The following WDR70 variants were observed in gnomAD, a reference collection of about 807,000 sequenced individuals.
WDR70 encodes the protein WD repeat-containing protein 70.
Under a neutral mutation model 88.6 loss-of-function variants are expected in WDR70, and 53 were observed. That is an observed-to-expected ratio of 0.60 (90% CI 0.48 to 0.75). The LOEUF is 0.75. Ranked by LOEUF, WDR70 falls within the 30% of genes least tolerant of loss-of-function variation. WDR70 has a pLI of 0.00. For missense variants in WDR70, 610 were observed against 823.2 expected, an observed-to-expected ratio of 0.74 and a Z score of 3.17; for synonymous variants, 280 against 270.0, an observed-to-expected ratio of 1.04 and a Z score of -0.36.
intron 7 of WDR70, among the ~76,000 whole-genome samples, chr5:37,444,173 C>A (rs1738384918): frequency 1.3e-5 from 2 of 150,962 alleles, no homozygotes; most frequent in East Asian, 3.9e-4. Context: ...AAAAAAAAAA[C>A]AAAACTTTGT....
chr5:37,488,407 T>C (rs564925366), intron 8 of WDR70, among the ~76,000 whole-genome samples: 1 of 152,082 alleles, frequency 6.6e-6, no homozygotes, highest in Admixed American at 6.5e-5. Flanking sequence ...GCCATTGATC[T>C]CTTCACCTCC....
intron 9 of WDR70, among the ~76,000 whole-genome samples, chr5:37,555,071 T>A (rs1268018285): frequency 6.6e-6 from 1 of 152,198 alleles, no homozygotes; most frequent in Admixed American, 6.5e-5. Context: ...GTACCTTACC[T>A]CTTCCTTTAT....
intron 10 of WDR70, among the ~76,000 whole-genome samples, chr5:37,626,398 G>T (rs1006047058): frequency 6.6e-6 from 1 of 152,042 alleles, no homozygotes; most frequent in Non-Finnish European, 1.5e-5. Context: ...TCTTTCTGTT[G>T]ATGTGTGTGA....
At chr5:37,706,574 C>T (rs547386956) in intron 13 of WDR70, among the ~76,000 whole-genome samples, 2 of 152,286 alleles carry the variant, frequency 1.3e-5, no homozygotes, top group Admixed American at 6.5e-5. Context: ...CCATGTAAGA[C>T]GTGCCTTTGC....
chr5:37,505,610 CAACT>C, intron 8 of WDR70: 1 of 739,250 alleles, frequency 1.4e-6, no homozygotes, highest in Middle Eastern at 3.8e-4. Context: ...TTCTTCTAGA[CAACT>C]GAGTGGGTGG....
chr5:37,533,083 G>T (rs1741548418), intron 9 of WDR70, among the ~76,000 whole-genome samples: 1 of 152,198 alleles, frequency 6.6e-6, no homozygotes, highest in African/African-American at 2.4e-5. Flanking sequence ...TGGTACTGGG[G>T]TGTGTCCGCA....
At chr5:37,634,518 G>T (rs1744906139) in intron 10 of WDR70, among the ~76,000 whole-genome samples, 1 of 152,086 alleles carries the variant, frequency 6.6e-6, no homozygotes, top group Non-Finnish European at 1.5e-5. Context: ...GATATGGAGA[G>T]GGAAGTCTAT....
intron 7 of WDR70, among the ~76,000 whole-genome samples, chr5:37,470,216 A>T (rs563966196): frequency 4.6e-5 from 7 of 152,160 alleles, no homozygotes; most frequent in Non-Finnish European, 1.0e-4. Flanking sequence ...TTACTAGTTT[A>T]TTCTGAGAAT....
At chr5:37,657,242 A>G (rs1342047016) in intron 10 of WDR70, among the ~76,000 whole-genome samples, 1 of 152,070 alleles carries the variant, frequency 6.6e-6, no homozygotes, top group Non-Finnish European at 1.5e-5. Flanking sequence ...TCCCTTGGCC[A>G]GGGGAGGTAG....
At chr5:37,663,460 A>T (rs1268246889) in intron 10 of WDR70, among the ~76,000 whole-genome samples, 2 of 152,104 alleles carry the variant, frequency 1.3e-5, no homozygotes, top group Non-Finnish European at 2.9e-5. Context: ...AAAAGCCCAC[A>T]GTTTTGCAGG....
chr5:37,668,556 A>G (rs953986361), intron 10 of WDR70, among the ~76,000 whole-genome samples: 7 of 152,244 alleles, frequency 4.6e-5, no homozygotes, highest in African/African-American at 1.7e-4. Context: ...ATGTGAAGGT[A>G]ACTTGTGCAT....
chr5:37,672,435 ATTCG>A (rs1245882794), intron 10 of WDR70, among the ~76,000 whole-genome samples: 3 of 152,128 alleles, frequency 2.0e-5, no homozygotes, highest in Non-Finnish European at 4.4e-5. Flanking sequence ...CCGCTCGTAC[ATTCG>A]TTCTGTTCTG....
chr5:37,555,747 C>T (rs1430323693), intron 9 of WDR70, among the ~76,000 whole-genome samples: 2 of 151,918 alleles, frequency 1.3e-5, no homozygotes, highest in Non-Finnish European at 2.9e-5. Context: ...GAGATGGAGT[C>T]TTGCTCTGTT....
At chr5:37,470,522 A>G (rs1284568482) in intron 7 of WDR70, among the ~76,000 whole-genome samples, 1 of 152,164 alleles carries the variant, frequency 6.6e-6, no homozygotes, top group South Asian at 2.1e-4. Flanking sequence ...CATCCTGACT[A>G]CTTGCACCAT....
At chr5:37,671,345 C>T (rs1422940215) in intron 10 of WDR70, among the ~76,000 whole-genome samples, 3 of 152,052 alleles carry the variant, frequency 2.0e-5, no homozygotes, top group Non-Finnish European at 4.4e-5. Context: ...CTTAATAAAC[C>T]TGTAGTATTG....
chr5:37,477,410 A>C (rs988062651), intron 7 of WDR70, among the ~76,000 whole-genome samples: 3 of 151,950 alleles, frequency 2.0e-5, no homozygotes, highest in African/African-American at 7.3e-5. Flanking sequence ...CCACATACTT[A>C]TTACCGTTTT....
At chr5:37,656,204 C>T (rs574823165) in intron 10 of WDR70, among the ~76,000 whole-genome samples, 9 of 152,208 alleles carry the variant, frequency 5.9e-5, no homozygotes, top group Non-Finnish European at 1.2e-4. Context: ...GGCCCCTCTT[C>T]TGCAGGTCTG....
At chr5:37,662,963 G>C (rs1437948206) in intron 10 of WDR70, among the ~76,000 whole-genome samples, 1 of 152,110 alleles carries the variant, frequency 6.6e-6, no homozygotes, top group African/African-American at 2.4e-5. Context: ...CTTCTTGAAG[G>C]CAGAGATTAT....
chr5:37,582,206 A>G (rs1472607452), intron 9 of WDR70, among the ~76,000 whole-genome samples: 2 of 152,128 alleles, frequency 1.3e-5, no homozygotes, highest in East Asian at 1.9e-4. Flanking sequence ...TCTGGTCCTC[A>G]TTTCTGGAGT....
Sources: allele counts gnomAD v4.1 joint callset (sites outside exome capture counted in the v4.1 genomes callset), GRCh38; gene constraint gnomAD v4.1.1; transcripts MANE v1.5; gene names NCBI Gene and HGNC (gene_info 2026-07-23, HGNC 2026-07-21).